Variants in RPTOR observed in about 807,000 individuals in gnomAD.
RPTOR encodes regulatory-associated protein of mTOR.
A neutral mutation model predicts 169.9 loss-of-function variants in RPTOR; 21 were observed. That is an observed-to-expected ratio of 0.12 (90% confidence interval 0.09 to 0.18). RPTOR has a LOEUF of 0.18. Ranked by LOEUF, RPTOR falls within the 10% of genes least tolerant of loss-of-function variation. The pLI is 1.00. For missense variants in RPTOR, 1,133 were observed against 1,855.9 expected (o/e 0.61, Z 7.16); for synonymous variants, 732 against 753.2 (o/e 0.97, Z 0.46).
intron 21 of RPTOR, among the ~76,000 whole-genome samples, chr17:80,914,594 G>A (rs567059861): frequency 4.7e-4 from 71 of 152,358 alleles, no homozygotes; most frequent in African/African-American, 1.5e-3. Flanking sequence ...CTTCAATCTC[G>A]GAGCAAAGTT....
chr17:80,920,298 A>G (rs1452989521), intron 21 of RPTOR, among the ~76,000 whole-genome samples: 2 of 152,192 alleles, frequency 1.3e-5, no homozygotes, highest in Non-Finnish European at 2.9e-5. Flanking sequence ...TTGAACAAAT[A>G]AGAAGTGCAC....
At chr17:80,846,111 C>T (rs1046236926) in intron 10 of RPTOR, among the ~76,000 whole-genome samples, 20 of 152,248 alleles carry the variant, frequency 1.3e-4, no homozygotes, top group African/African-American at 3.1e-4. Flanking sequence ...CACACACTCA[C>T]GGGGTCCCCT....
At chr17:80,753,292 G>A (rs1266160647) in intron 5 of RPTOR, among the ~76,000 whole-genome samples, 1 of 152,162 alleles carries the variant, frequency 6.6e-6, no homozygotes, top group Non-Finnish European at 1.5e-5. Context: ...TAACCTGAAC[G>A]TCTTCCCATG....
intron 24 of RPTOR, among the ~76,000 whole-genome samples, chr17:80,932,166 C>T (rs866168210): frequency 1.3e-5 from 1 of 74,976 alleles, no homozygotes; most frequent in African/African-American, 4.8e-5. Context: ...TATATATATA[C>T]ACCTTAGTCT....
chr17:80,554,700 C>T (rs951598851), intron 1 of RPTOR, among the ~76,000 whole-genome samples: 4 of 151,850 alleles, frequency 2.6e-5, no homozygotes, highest in African/African-American at 9.7e-5. Flanking sequence ...GCTGAGATTG[C>T]GCCACTGCAC....
intron 1 of RPTOR, among the ~76,000 whole-genome samples, chr17:80,616,888 A>G (rs1567821945): frequency 6.6e-6 from 1 of 152,184 alleles, no homozygotes; most frequent in Non-Finnish European, 1.5e-5. Flanking sequence ...TGTGCCCAAT[A>G]CTGCCAGCAC....
rs188435549 is a variant in RPTOR at position 80,730,167 on chromosome 17, C to T, written c.508-393C>T. On this transcript the variant is annotated intron_variant, in intron 4 of 33. Coordinates refer to ENST00000306801, the MANE Select transcript of RPTOR (RefSeq NM_020761.3). This position sits in a 1 kb window ranked among gnomAD's most constrained non-coding sequence, Gnocchi z 4.2. The stretch of plus-strand genomic sequence containing the variant: ...TGTTGCCCAGGCTGGAGTGCAGTGG[C>T]GCAATCTTGGCTCACTGTAACCTTC... 8.3e-3 allele frequency among the ~76,000 whole-genome samples: 1,262 copies of T among 152,106 alleles called. 17 individuals are homozygous for T. Among genetic ancestry groups the T allele is most frequent in the Non-Finnish European group, 0.013 (905 of 67,970 alleles).
At position 80,545,368 on chromosome 17, in the gene RPTOR, G is replaced by C. The variant is rs961704419; in HGVS notation, c.-262G>C. On this transcript the variant is annotated 5_prime_UTR_variant, in exon 1 of 34. Transcript: ENST00000306801. ...CAGCCTCAGGAGCAGCCAGTGGCTT[G>C]GGACCTGGGGTGGTGTGTGTCTGCG... The C allele has an allele frequency of 2.0e-5, 7 of 350,892 alleles. No individual in the cohort carries two copies. The highest frequency in any genetic ancestry group is 3.6e-5 in the Non-Finnish European group (7 of 193,042). The allele number at this position is 350,892 out of a possible 1,614,324, so 21.7% of individuals were successfully genotyped here.
intron 3 of RPTOR, among the ~76,000 whole-genome samples, chr17:80,673,829 AATT>A (rs1158459324): frequency 1.3e-5 from 2 of 152,222 alleles, no homozygotes; most frequent in African/African-American, 4.8e-5. Context: ...GCTCAACTGT[AATT>A]ATTCAGTCAG....
At chr17:80,701,158 C>T (rs956539101) in intron 3 of RPTOR, among the ~76,000 whole-genome samples, 1 of 152,110 alleles carries the variant, frequency 6.6e-6, no homozygotes, top group Non-Finnish European at 1.5e-5. Context: ...GACAATTCCT[C>T]TCTGCTGAAA....
chr17:80,634,772 GTGTGTACTGTGTGCA>G (rs2065490287), intron 2 of RPTOR, among the ~76,000 whole-genome samples: 1 of 148,396 alleles, frequency 6.7e-6, no homozygotes. Flanking sequence ...TACTGTGCGT[GTGTGTACTGTGTGCA>G]TGTGCATACT....
At chr17:80,950,259 C>A (rs1159213364) in intron 28 of RPTOR, among the ~76,000 whole-genome samples, 1 of 152,208 alleles carries the variant, frequency 6.6e-6, no homozygotes, top group Non-Finnish European at 1.5e-5. Context: ...CGCGTTACCC[C>A]GCCAGCCCCC....
At chr17:80,616,921 C>T (rs899246786) in intron 1 of RPTOR, among the ~76,000 whole-genome samples, 12 of 152,210 alleles carry the variant, frequency 7.9e-5, no homozygotes, top group Non-Finnish European at 1.8e-4. Context: ...ACCGGTCCAG[C>T]TTGCTAGTTA....
intron 21 of RPTOR, among the ~76,000 whole-genome samples, chr17:80,912,169 A>T (rs1170282038): frequency 1.3e-5 from 2 of 152,140 alleles, no homozygotes; most frequent in African/African-American, 4.8e-5. Context: ...AACATTAATA[A>T]ATGGTTTAAG....
In RPTOR at chr17:80,959,977, C is replaced by T. The variant is rs1466819219; in HGVS notation, c.3478-101C>T. On this transcript the variant is annotated intron_variant, in intron 29 of 33. Coordinates refer to ENST00000306801, the MANE Select transcript of RPTOR (RefSeq NM_020761.3). The surrounding 1 kb of genome is among the most constrained non-coding windows in gnomAD (Gnocchi z 6.7). Reference sequence around the variant, plus strand: ...CCCTGCAGCCAGGGAGGGTGATCCCCACAGCCAGGCAGGCAGCAAGAGGGG... The same window carrying T: ...CCCTGCAGCCAGGGAGGGTGATCCCTACAGCCAGGCAGGCAGCAAGAGGGG... 25 of 1,469,972 alleles carry T rather than the reference C, an allele frequency of 1.7e-5. No individual in the cohort carries two copies. In the East Asian group the frequency reaches 4.6e-4, roughly 27 times the overall value. The allele number at this position is 1,469,972 out of a possible 1,614,324, so 91.1% of individuals were successfully genotyped here.
At chr17:80,922,098 G>T (rs978644146) in intron 21 of RPTOR, among the ~76,000 whole-genome samples, 1 of 152,236 alleles carries the variant, frequency 6.6e-6, no homozygotes, top group Non-Finnish European at 1.5e-5. Flanking sequence ...GCACACGGGG[G>T]TGTAAACAGT....
chr17:80,668,328 T>A (rs535786752), intron 3 of RPTOR, among the ~76,000 whole-genome samples: 3 of 152,192 alleles, frequency 2.0e-5, no homozygotes, highest in Non-Finnish European at 2.9e-5. Flanking sequence ...CAGAGTGAGA[T>A]AATTTTCATC....
chr17:80,622,201 C>T (rs1339343112), intron 1 of RPTOR, among the ~76,000 whole-genome samples: 5 of 152,152 alleles, frequency 3.3e-5, no homozygotes, highest in East Asian at 3.8e-4. Flanking sequence ...TTGGAACTTG[C>T]GCCAGGGTTT....
rs778029446 is a variant in RPTOR, at chr17:80,855,487, G to C, written c.1338G>C (p.Arg446=). ...AGGTGCTGTTAAGCCAAGTGCACCG[G>C]CTGAGAGCATTGGACTTGCTTGGAA... is the stretch of plus-strand genomic sequence containing the variant. ...VLQVLLSQVH[R]LRALDLLGRF... The change falls in exon 12 of 34, where the codon CGG becomes CGC. Residue 446 remains arginine, a synonymous_variant. Transcript: ENST00000306801. 5.6e-5 allele frequency: 90 copies of C among 1,613,892 alleles called. No homozygotes were observed. The highest frequency in any genetic ancestry group is 7.0e-5 in the Non-Finnish European group (83 of 1,179,856).
Sources: allele counts gnomAD v4.1 joint callset (sites outside exome capture counted in the v4.1 genomes callset), GRCh38; gene constraint gnomAD v4.1.1; non-coding constraint Gnocchi (gnomAD v3.1); transcripts MANE v1.5; gene names NCBI Gene and HGNC (gene_info 2026-07-23, HGNC 2026-07-21).